EML6: variants seen among roughly 807,000 people sequenced by gnomAD.
The protein encoded by EML6 is echinoderm microtubule-associated protein-like 6.
In EML6, 154 loss-of-function variants were observed where a neutral mutation model predicts 240.1. The observed-to-expected ratio is 0.64, with a 90% confidence interval of 0.56 to 0.73. EML6 has a LOEUF of 0.73. Ranked by LOEUF, EML6 falls within the 30% of genes least tolerant of loss-of-function variation. EML6 has a pLI of 0.00. For missense variants in EML6, 2,964 were observed against 2,474.6 expected (o/e 1.20, Z -4.20); for synonymous variants, 1,148 against 899.0 (o/e 1.28, Z -4.95).
chr2:54,732,119 C>G (rs1451809098), intron 2 of EML6, among the ~76,000 whole-genome samples: 2 of 152,026 alleles, frequency 1.3e-5, no homozygotes, highest in African/African-American at 4.8e-5. Context: ...GGATAAATGT[C>G]TATTCAAATC....
chr2:54,882,568 A>AG (rs1671874681), intron 17 of EML6: 2 of 152,104 alleles, frequency 1.3e-5, no homozygotes, highest in Admixed American at 1.3e-4. Flanking sequence ...TAGAAAGCTT[A>AG]GGGACAAAGG....
intron 28 of EML6, 133 bp downstream of exon 28, chr2:54,928,884 C>G: frequency 9.3e-7 from 1 of 1,070,322 alleles, no homozygotes. Context: ...AGAGTCTTCA[C>G]CTGTACACAG....
intron 17 of EML6, chr2:54,882,358 A>G (rs1016299099): frequency 2.7e-5 from 4 of 148,602 alleles, no homozygotes; most frequent in Admixed American, 6.8e-5. Flanking sequence ...CTGATCTCTT[A>G]TAGAAGTAGT....
In EML6 at chr2:54,928,767, G is replaced by C. The variant is rs1447228467; in HGVS notation, c.4004+16G>C. 5.8e-6 allele frequency: 9 copies of C among 1,551,544 alleles called. No individual in the cohort carries two copies. The highest frequency in any genetic ancestry group is 1.4e-5 in the African/African-American group (1 of 73,052). Reference sequence around the variant, plus strand: ...TGGAAGAAAGGTATGGTGTTGCCAGGTTTGCTTGCTTTTATTATACCTGAT... The same window carrying C: ...TGGAAGAAAGGTATGGTGTTGCCAGCTTTGCTTGCTTTTATTATACCTGAT... On this transcript the variant is annotated intron_variant, in intron 28 of 41. Transcript: ENST00000356458.
intron 26 of EML6, among the ~76,000 whole-genome samples, chr2:54,921,964 A>G (rs923387576): frequency 2.6e-5 from 4 of 152,196 alleles, no homozygotes; most frequent in Non-Finnish European, 5.9e-5. Context: ...ACATGAAATC[A>G]TACAACTCCT....
intron 12 of EML6, among the ~76,000 whole-genome samples, chr2:54,862,338 TAAAAAAAAAAAAA>T (rs35834327): frequency 1.3e-4 from 5 of 37,698 alleles, no homozygotes; most frequent in Non-Finnish European, 2.4e-4. Context: ...ACTCCATCTC[TAAAAAAAAAAAAA>T]AAAAAAAAAA....
intron 18 of EML6, among the ~76,000 whole-genome samples, chr2:54,892,139 G>T (rs950018035): frequency 3.3e-5 from 5 of 152,086 alleles, no homozygotes; most frequent in African/African-American, 1.2e-4. Flanking sequence ...CGCATGTCTT[G>T]GACTGAGATG....
intron 16 of EML6, among the ~76,000 whole-genome samples, chr2:54,877,139 T>A (rs904953316): frequency 2.0e-5 from 3 of 151,960 alleles, no homozygotes; most frequent in Non-Finnish European, 2.9e-5. Context: ...CACACTACCA[T>A]GCTTAGCTAA....
intron 2 of EML6, among the ~76,000 whole-genome samples, chr2:54,738,393 A>C (rs903681936): frequency 1.3e-5 from 2 of 152,222 alleles, no homozygotes; most frequent in African/African-American, 4.8e-5. Flanking sequence ...TCTCAGAATA[A>C]TAGGCTTGTT....
rs187122 is a variant in EML6, at chr2:54,750,005, A to G, written c.197+24747A>G. ...TCTGCTTGACACTAGGTCCAGATCA[A>G]TTTTTTTCCTTGATGTTTGCTGAAA... On this transcript the variant is annotated intron_variant, in intron 2 of 41. Coordinates refer to ENST00000356458, the MANE Select transcript of EML6 (RefSeq NM_001039753.4). 2.5e-3 allele frequency among the ~76,000 whole-genome samples: 379 copies of G among 152,174 alleles called. 15 individuals carry two copies. In the South Asian group the frequency reaches 0.071, roughly 28 times the overall value.
At position 54,794,770 on chromosome 2, in the gene EML6, C is replaced by G. The variant is rs555562495; in HGVS notation, c.198-18462C>G. Among the ~76,000 whole-genome samples, 52 of 152,254 alleles carry G rather than the reference C, an allele frequency of 3.4e-4. 1 individual carries two copies. In the South Asian group the frequency reaches 0.011, roughly 31 times the overall value. On this transcript the variant is annotated intron_variant, in intron 2 of 41. Coordinates refer to ENST00000356458, the MANE Select transcript of EML6 (RefSeq NM_001039753.4). ...AAGTGTTCAGCTTACAAAAATTGTA[C>G]GACATTACGCTTACGTGACAAGTGT...
At chr2:54,813,524 C>G in intron 3 of EML6, 133 bp downstream of exon 3, 1 of 804,202 alleles carries the variant, frequency 1.2e-6, no homozygotes, top group Non-Finnish European at 2.0e-6. Flanking sequence ...TAGAATTTTT[C>G]ACCTGTTTTT....
At chr2:54,928,888 TACACA>T in intron 28 of EML6, 137 bp downstream of exon 28, 3 of 1,041,758 alleles carry the variant, frequency 2.9e-6, no homozygotes, top group Non-Finnish European at 4.2e-6. Flanking sequence ...TCTTCACCTG[TACACA>T]GGCTTAAGCT....
At chr2:54,765,444 T>G (rs1668142647) in intron 2 of EML6, among the ~76,000 whole-genome samples, 1 of 152,152 alleles carries the variant, frequency 6.6e-6, no homozygotes, top group Non-Finnish European at 1.5e-5. Context: ...GCAAACAAAT[T>G]TTATGCATTC....
At chr2:54,797,132 T>C (rs1669828762) in intron 2 of EML6, among the ~76,000 whole-genome samples, 1 of 111,464 alleles carries the variant, frequency 9.0e-6, no homozygotes, top group Non-Finnish European at 1.7e-5. Flanking sequence ...GCCACTGCAC[T>C]CCAGCCTGGG....
At chr2:54,815,762 C>CCCT (rs1428402422) in intron 3 of EML6, among the ~76,000 whole-genome samples, 2 of 152,186 alleles carry the variant, frequency 1.3e-5, no homozygotes, top group Non-Finnish European at 2.9e-5. Context: ...GCTGAAGAAT[C>CCCT]CCTGCATAAC....
intron 8 of EML6, among the ~76,000 whole-genome samples, chr2:54,846,606 C>T (rs575807728): frequency 1.3e-5 from 2 of 151,968 alleles, no homozygotes; most frequent in South Asian, 4.2e-4. Flanking sequence ...ACCTCAGCCT[C>T]CCAAGTAGCT....
intron 35 of EML6, among the ~76,000 whole-genome samples, chr2:54,961,184 G>GTTGTTTTTTTGTTTTTTTTTTTTT: frequency 1.3e-4 from 7 of 55,416 alleles, no homozygotes; most frequent in African/African-American, 5.7e-4. Context: ...TCAGGAAGTA[G>GTTGTTTTTTTGTTTTTTTTTTTTT]TTTTTTTTTT....
At chr2:54,798,135 C>G (rs1669920508) in intron 2 of EML6, among the ~76,000 whole-genome samples, 1 of 152,024 alleles carries the variant, frequency 6.6e-6, no homozygotes, top group Non-Finnish European at 1.5e-5. Flanking sequence ...AATATCTCTT[C>G]TTGTCTTTAA....
Sources: gnomAD v4.1 joint callset for allele counts (sites outside exome capture counted in the v4.1 genomes callset) on GRCh38, gnomAD v4.1.1 for gene constraint, MANE v1.5 for transcripts, NCBI Gene and HGNC (gene_info 2026-07-23, HGNC 2026-07-21) for gene names.